Variants in RABGEF1 observed in about 807,000 individuals in gnomAD.
RABGEF1 encodes RAB guanine nucleotide exchange factor 1.
RABGEF1 carries 26 observed loss-of-function variants against 57.3 expected under a neutral mutation model. That is an observed-to-expected ratio of 0.45 (90% confidence interval 0.33 to 0.63). The LOEUF (loss-of-function observed/expected upper bound fraction) is 0.63, where lower values mean the gene tolerates loss of function less well. Ranked by LOEUF, RABGEF1 falls within the 20% of genes least tolerant of loss-of-function variation. RABGEF1 has a pLI of 0.02. For missense variants in RABGEF1, 464 were observed against 607.6 expected, an observed-to-expected ratio of 0.76 and a Z score of 2.48; for synonymous variants, 185 against 210.7, an observed-to-expected ratio of 0.88 and a Z score of 1.06.
intron 1 of RABGEF1, among the ~76,000 whole-genome samples, chr7:66,703,241 G>A (rs2117278745): frequency 6.6e-6 from 1 of 152,228 alleles, no homozygotes. Flanking sequence ...CAAAGTGCTG[G>A]GATTACAGGT....
At chr7:66,762,136 A>G (rs1279114841) in intron 1 of RABGEF1, among the ~76,000 whole-genome samples, 2 of 152,208 alleles carry the variant, frequency 1.3e-5, no homozygotes, top group African/African-American at 4.8e-5. Context: ...ACTGTGGACG[A>G]AAACCAATAT....
At chr7:66,741,000 C>T (rs1478541447) in intron 1 of RABGEF1, among the ~76,000 whole-genome samples, 1 of 152,234 alleles carries the variant, frequency 6.6e-6, no homozygotes, top group Non-Finnish European at 1.5e-5. Flanking sequence ...CCGCCCTCGG[C>T]TCCCTTAATC....
intron 2 of RABGEF1, among the ~76,000 whole-genome samples, chr7:66,773,083 GTTT>G (rs375110748): frequency 1.7e-5 from 1 of 57,764 alleles, no homozygotes. Flanking sequence ...CTAGTTGTTT[GTTT>G]TTTTTTTTTC....
chr7:66,795,931 G>C (rs1813923161), intron 5 of RABGEF1, among the ~76,000 whole-genome samples: 2 of 152,170 alleles, frequency 1.3e-5, no homozygotes, highest in Admixed American at 6.5e-5. Flanking sequence ...GTTAGGCCAG[G>C]AGTTCGAGAC....
At chr7:66,724,784 T>G (rs1049460633) in intron 2 of RABGEF1, among the ~76,000 whole-genome samples, 4 of 152,238 alleles carry the variant, frequency 2.6e-5, no homozygotes, top group African/African-American at 9.6e-5. Context: ...ACTCCAATTA[T>G]ATGTGTGTTG....
chr7:66,677,759 C>T (rs1193019143), upstream of RABGEF1, among the ~76,000 whole-genome samples: 1 of 114,344 alleles, frequency 8.7e-6, no homozygotes, highest in African/African-American at 3.3e-5. Flanking sequence ...AAGACTCCGT[C>T]TCAAAAAAAA....
intron 1 of RABGEF1, among the ~76,000 whole-genome samples, chr7:66,683,751 T>C (rs964285823): frequency 2.2e-4 from 34 of 152,002 alleles, no homozygotes; most frequent in Admixed American, 7.2e-4. Context: ...TATTTATTTA[T>C]TTATTGAGAG....
intron 5 of RABGEF1, 132 bp downstream of exon 5, chr7:66,795,724 G>C: frequency 1.2e-6 from 1 of 820,806 alleles, no homozygotes; most frequent in Non-Finnish European, 2.1e-6. Context: ...TGGACATTCT[G>C]GGAACTGGTC....
intron 7 of RABGEF1, 126 bp from the exon 8 acceptor site, chr7:66,805,014 A>G: frequency 1.9e-6 from 2 of 1,079,078 alleles, no homozygotes; most frequent in Non-Finnish European, 2.6e-6. Context: ...TTATATACTA[A>G]GTTAACTGCT....
At chr7:66,695,885 A>C (rs1172914205) in intron 1 of RABGEF1, among the ~76,000 whole-genome samples, 2 of 151,800 alleles carry the variant, frequency 1.3e-5, no homozygotes, top group Non-Finnish European at 2.9e-5. Context: ...AGTATCACTT[A>C]CATCTGGGAG....
intron 1 of RABGEF1, among the ~76,000 whole-genome samples, chr7:66,686,257 GGCA>G (rs1790609827): frequency 6.6e-6 from 1 of 151,310 alleles, no homozygotes; most frequent in Non-Finnish European, 1.5e-5. Flanking sequence ...CTCCATCCTG[GGCA>G]ACAAAGTGAG....
intron 2 of RABGEF1, among the ~76,000 whole-genome samples, chr7:66,715,128 C>G (rs767568067): frequency 6.6e-6 from 1 of 151,586 alleles, no homozygotes; most frequent in African/African-American, 2.4e-5. Context: ...CTCTTCCTTT[C>G]TTCTTTCTTC....
intron 1 of RABGEF1, among the ~76,000 whole-genome samples, chr7:66,695,449 C>G (rs568245736): frequency 5.9e-5 from 9 of 152,162 alleles, no homozygotes; most frequent in Non-Finnish European, 1.3e-4. Context: ...GGGGCTTTGA[C>G]GCAAGAGGTT....
At chr7:66,663,526 TGAG>T in the RABGEF1 span, among the ~76,000 whole-genome samples, 1 of 139,236 alleles carries the variant, frequency 7.2e-6, no homozygotes, top group Non-Finnish European at 1.5e-5. Flanking sequence ...TGAAGTGAGC[TGAG>T]ATCACGCCAC....
chr7:66,805,766 ACAGGGTCTCACT>A (rs1320782026), intron 8 of RABGEF1, among the ~76,000 whole-genome samples: 2 of 152,052 alleles, frequency 1.3e-5, no homozygotes, highest in African/African-American at 4.8e-5. Context: ...TCATTCTACT[ACAGGGTCTCACT>A]CTATCACCCA....
chr7:66,728,275 G>A (rs746367467), intron 2 of RABGEF1, among the ~76,000 whole-genome samples: 1 of 152,150 alleles, frequency 6.6e-6, no homozygotes, highest in Non-Finnish European at 1.5e-5. Context: ...CTAAGCTTGG[G>A]GGGGCCACTG....
At chr7:66,750,920 C>T (rs1048650314) in intron 1 of RABGEF1, among the ~76,000 whole-genome samples, 2 of 152,158 alleles carry the variant, frequency 1.3e-5, no homozygotes, top group Admixed American at 1.3e-4. Flanking sequence ...GTTAAATACA[C>T]GGTTTGAATT....
rs190138663 is a variant in RABGEF1, at chr7:66,789,266, C to T, written c.513+5425C>T. On this transcript the variant is annotated intron_variant, in intron 4 of 8. Transcript: ENST00000284957. ...TAGGCTTTAATTATTGTGAGAACTT[C>T]AGCAGGGGTAGCAACCCAGGACCTA... Among the ~76,000 whole-genome samples, 65 of 152,298 alleles carry T rather than the reference C, an allele frequency of 4.3e-4. No homozygotes were observed. The East Asian group carries it at 9.3e-3, about 22-fold the overall frequency.
intron 1 of RABGEF1, among the ~76,000 whole-genome samples, chr7:66,706,778 GTT>G (rs199965735): frequency 8.3e-5 from 10 of 120,694 alleles, no homozygotes; most frequent in East Asian, 2.5e-4. Flanking sequence ...TGACATACTG[GTT>G]TTTTTTTTTT....
Sources: allele counts gnomAD v4.1 joint callset (sites outside exome capture counted in the v4.1 genomes callset), GRCh38; gene constraint gnomAD v4.1.1; transcripts MANE v1.5; gene names NCBI Gene and HGNC (gene_info 2026-07-23, HGNC 2026-07-21).